SLC2A1: variants seen among roughly 807,000 people sequenced by gnomAD.
SLC2A1 encodes the protein solute carrier family 2, facilitated glucose transporter member 1.
In SLC2A1, 4 loss-of-function variants were observed where a neutral mutation model predicts 46.6. That is an observed-to-expected ratio of 0.09 (90% CI 0.04 to 0.20). SLC2A1 has a LOEUF of 0.20. Ranked by LOEUF, SLC2A1 falls within the 10% of genes least tolerant of loss-of-function variation. The probability of loss-of-function intolerance (pLI) is 1.00; values close to 1 mark genes in which losing one functional copy is unlikely to be tolerated. For missense variants in SLC2A1, 352 were observed against 667.0 expected, an observed-to-expected ratio of 0.53 and a Z score of 5.20; for synonymous variants, 253 against 270.0, an observed-to-expected ratio of 0.94 and a Z score of 0.62.
At chr1:42,951,174 A>G (rs907667079) in intron 1 of SLC2A1, among the ~76,000 whole-genome samples, 4 of 152,220 alleles carry the variant, frequency 2.6e-5, no homozygotes, top group African/African-American at 9.6e-5. Flanking sequence ...TGGGGCAGAA[A>G]ATAAATACAT....
intron 1 of SLC2A1, 42 bp downstream of exon 1, chr1:42,958,592 G>T (rs1643807013): frequency 1.3e-6 from 2 of 1,508,302 alleles, no homozygotes; most frequent in Non-Finnish European, 1.8e-6. Context: ...AGGAGTCTGC[G>T]CCTTTGTTCC....
At chr1:42,952,690 G>C (rs774753093) in intron 1 of SLC2A1, 4 of 201,204 alleles carry the variant, frequency 2.0e-5, no homozygotes, top group Non-Finnish European at 4.2e-5. Context: ...ACGCAGCAGG[G>C]AGCTGAAGGC....
chr1:42,950,452 T>C (rs1399255736), intron 1 of SLC2A1, among the ~76,000 whole-genome samples: 1 of 152,204 alleles, frequency 6.6e-6, no homozygotes, highest in Non-Finnish European at 1.5e-5. Context: ...TGCATCCTAT[T>C]ATGGAATGTT....
intron 2 of SLC2A1, chr1:42,942,969 G>A (rs1221607844): frequency 6.6e-5 from 37 of 558,202 alleles, no homozygotes; most frequent in Non-Finnish European, 1.1e-4. Flanking sequence ...TGAGTTGGGT[G>A]GGGGGTTGGT....
At chr1:42,932,165 C>G (rs957589065) in intron 2 of SLC2A1, among the ~76,000 whole-genome samples, 1 of 152,156 alleles carries the variant, frequency 6.6e-6, no homozygotes, top group Non-Finnish European at 1.5e-5. Context: ...GCCTCCTCCC[C>G]TCTCCCAAGG....
chr1:42,958,854 T>A lies in SLC2A1; in HGVS notation c.-203A>T. 7.1e-6 allele frequency: 4 copies of A among 564,958 alleles called. No homozygotes were observed. The East Asian group carries it at 1.3e-4, about 18-fold the overall frequency. The allele number at this position is 564,958 out of a possible 1,614,324, so 35.0% of individuals were successfully genotyped here. ...TAGCGACCGGCACGCTCGCTGTTGC[T>A]ACCTCTTGCCTCTTGCCAGAGAGCG... On this transcript the variant is annotated 5_prime_UTR_variant, in exon 1 of 10. Transcript: ENST00000426263.
chr1:42,939,293 C>A (rs1486589070), intron 2 of SLC2A1, among the ~76,000 whole-genome samples: 1 of 152,248 alleles, frequency 6.6e-6, no homozygotes, highest in Non-Finnish European at 1.5e-5. Flanking sequence ...GGAAAAACTA[C>A]AGCCAGCCTT....
chr1:42,935,145 A>G (rs888357687), intron 2 of SLC2A1, among the ~76,000 whole-genome samples: 1 of 152,154 alleles, frequency 6.6e-6, no homozygotes, highest in African/African-American at 2.4e-5. Context: ...GGTGTCGGCC[A>G]GCCTAGAGCT....
Position 42,927,311 on chromosome 1 carries a change from T to A in SLC2A1, c.1279-70A>T. 1 of 1,446,106 alleles carries A rather than the reference T, an allele frequency of 6.9e-7. No homozygotes were observed. The highest frequency in any genetic ancestry group is 1.2e-5 in the South Asian group (1 of 86,292). The allele number at this position is 1,446,106 out of a possible 1,614,324, so 89.6% of individuals were successfully genotyped here. On this transcript the variant is annotated intron_variant, in intron 9 of 9. Coordinates refer to ENST00000426263, the MANE Select transcript of SLC2A1 (RefSeq NM_006516.4). This position sits in a 1 kb window ranked among gnomAD's most constrained non-coding sequence, Gnocchi z 5.3. ...TCCTGGCTGTAGGACTTTGGATAAG[T>A]CACTTTACCTTTGGGCCTTTGAGCT...
At position 42,927,668 on chromosome 1, in the gene SLC2A1, G is replaced by A. The variant is rs769506294; in HGVS notation, c.1215C>T (p.Ala405=). The A allele has an allele frequency of 3.2e-5, 52 of 1,614,052 alleles. No homozygotes were observed. The South Asian group carries it at 4.9e-4, about 15-fold the overall frequency. ...FSQGPRPAAI[A]VAGFSNWTSN... ...AGGTCCAGTTGGAGAAGCCTGCAAC[G>A]GCAATGGCAGCTGGACGTGGACCCT... The change falls in exon 9 of 10, where the codon GCC becomes GCT. Residue 405 remains alanine (A), a synonymous_variant. Coordinates refer to ENST00000426263, the MANE Select transcript of SLC2A1 (RefSeq NM_006516.4). This position sits in a 1 kb window ranked among gnomAD's most constrained non-coding sequence, Gnocchi z 5.3.
At chr1:42,937,921 G>A (rs1340021660) in intron 2 of SLC2A1, among the ~76,000 whole-genome samples, 4 of 152,148 alleles carry the variant, frequency 2.6e-5, no homozygotes, top group African/African-American at 9.7e-5. Context: ...CACCAAGCTG[G>A]GTCATCCTGG....
Position 42,931,211 on chromosome 1 carries a change from A to G in SLC2A1, c.115-5T>C, listed in dbSNP as rs374228829. 6.2e-7 allele frequency: 1 copy of G among 1,613,194 alleles called. No individual in the cohort carries two copies. The highest frequency in any genetic ancestry group is 8.5e-7 in the Non-Finnish European group (1 of 1,179,218). ...GTTGTAGAACTCCTCGATCACCTGCAGGGGGAGATGCAGCCTGGGTGAGCA... is the reference window on the plus strand; with the variant it reads ...GTTGTAGAACTCCTCGATCACCTGCGGGGGGAGATGCAGCCTGGGTGAGCA... On this transcript the variant is annotated splice_region_variant and splice_polypyrimidine_tract_variant and intron_variant, in intron 2 of 9. Transcript: ENST00000426263.
In SLC2A1 at chr1:42,929,817, G is replaced by C. The variant is rs1643468541; in HGVS notation, c.680-37C>G. The C allele has an allele frequency of 6.2e-7, 1 of 1,614,088 alleles. No individual in the cohort carries two copies. The highest frequency in any genetic ancestry group is 1.3e-5 in the African/African-American group (1 of 74,946). ...GGAGGGAAGGTGAGGGTGGCTCAGA[G>C]TGGGAAGAAGGCCAGGGCTCAGGGA... On this transcript the variant is annotated intron_variant, in intron 5 of 9. Transcript: ENST00000426263. This position sits in a 1 kb window ranked among gnomAD's most constrained non-coding sequence, Gnocchi z 6.0.
At chr1:42,928,711 G>C (rs1040781792) in intron 8 of SLC2A1, among the ~76,000 whole-genome samples, 3 of 152,132 alleles carry the variant, frequency 2.0e-5, no homozygotes, top group African/African-American at 7.2e-5. Context: ...GGGACCAGAG[G>C]TGCTGCGCTG....
intron 2 of SLC2A1, among the ~76,000 whole-genome samples, chr1:42,936,851 C>T (rs146215953): frequency 1.0e-3 from 159 of 152,248 alleles, no homozygotes; most frequent in African/African-American, 3.5e-3. Context: ...TGCACAGATA[C>T]TCCTCTGGAA....
At chr1:42,943,098 G>A in intron 2 of SLC2A1, 128 bp downstream of exon 2, 1 of 725,666 alleles carries the variant, frequency 1.4e-6, no homozygotes, top group Non-Finnish European at 2.5e-6. Context: ...AAACTGGCTG[G>A]AGAGGCAGAC....
intron 1 of SLC2A1, among the ~76,000 whole-genome samples, chr1:42,949,322 T>A (rs778756798): frequency 2.6e-5 from 4 of 152,170 alleles, no homozygotes; most frequent in Non-Finnish European, 5.9e-5. Flanking sequence ...TGCTGTAACA[T>A]CGGCACTTGA....
intron 1 of SLC2A1, among the ~76,000 whole-genome samples, chr1:42,949,186 T>G (rs1643694333): frequency 6.6e-6 from 1 of 151,772 alleles, no homozygotes. Flanking sequence ...AGGCGGAGGT[T>G]GTAGTGAGCA....
chr1:42,955,451 A>T (rs1363949715), intron 1 of SLC2A1, among the ~76,000 whole-genome samples: 2 of 152,120 alleles, frequency 1.3e-5, no homozygotes, highest in African/African-American at 2.4e-5. Context: ...TCTACCAAAA[A>T]TACAAAAATT....
Sources: allele counts gnomAD v4.1 joint callset (sites outside exome capture counted in the v4.1 genomes callset), GRCh38; gene constraint gnomAD v4.1.1; non-coding constraint Gnocchi (gnomAD v3.1); transcripts MANE v1.5; gene names NCBI Gene and HGNC (gene_info 2026-07-23, HGNC 2026-07-21).